Variants in ADAMTS12 observed in about 807,000 individuals in gnomAD.
ADAMTS12 encodes the protein A disintegrin and metalloproteinase with thrombospondin motifs 12.
ADAMTS12 carries 118 observed loss-of-function variants against 167.8 expected under a neutral mutation model. That is an observed-to-expected ratio of 0.70 (90% CI 0.61 to 0.82). The LOEUF (loss-of-function observed/expected upper bound fraction) is 0.82. Ranked by LOEUF, ADAMTS12 falls within the 40% of genes least tolerant of loss-of-function variation. The pLI is 0.00. For synonymous variants in ADAMTS12, 704 were observed against 716.9 expected (o/e 0.98, Z 0.29); for missense variants, 1,916 against 1,998.8 (o/e 0.96, Z 0.79).
chr5:33,651,803 C>G (rs1171206162), intron 7 of ADAMTS12, among the ~76,000 whole-genome samples: 1 of 152,146 alleles, frequency 6.6e-6, no homozygotes, highest in Non-Finnish European at 1.5e-5. Flanking sequence ...CCCACTCTCC[C>G]CAGCTTTTGG....
chr5:33,767,918 C>T (rs1367101721), intron 2 of ADAMTS12, among the ~76,000 whole-genome samples: 1 of 152,108 alleles, frequency 6.6e-6, no homozygotes, highest in Non-Finnish European at 1.5e-5. Flanking sequence ...TCTTTCAAAT[C>T]TGTAAAGTAG....
intron 5 of ADAMTS12, among the ~76,000 whole-genome samples, chr5:33,675,587 T>C (rs967929236): frequency 2.6e-5 from 4 of 152,188 alleles, no homozygotes; most frequent in African/African-American, 9.6e-5. Flanking sequence ...GTACAATTAA[T>C]TGAGTTGATG....
chr5:33,719,293 G>A (rs1378767314), intron 3 of ADAMTS12, among the ~76,000 whole-genome samples: 2 of 152,136 alleles, frequency 1.3e-5, no homozygotes, highest in Admixed American at 6.5e-5. Context: ...CATGAAGGGA[G>A]CGCTCTGGAG....
In ADAMTS12 at chr5:33,577,064, G is replaced by C; in HGVS notation, c.2962C>G (p.Arg988Gly). The C allele has an allele frequency of 6.2e-7, 1 of 1,614,166 alleles. No homozygotes were observed. The highest frequency in any genetic ancestry group is 8.5e-7 in the Non-Finnish European group (1 of 1,180,020). ...PCDVTRKPNS[R>G]ALCGLQQCPS... The stretch of plus-strand genomic sequence containing the variant: ...CATTGCTGGAGGCCACACAGAGCTC[G>C]GCTGTTGGGTTTCCTTGTCACATCG... Residue 988 changes from arginine to glycine, a missense_variant, in exon 19 of 24, where the codon CGA (arginine) becomes GGA (glycine). By Grantham distance (125) the Arg-to-Gly change is moderately radical (BLOSUM62 -2). Transcript: ENST00000504830.
intron 2 of ADAMTS12, among the ~76,000 whole-genome samples, chr5:33,811,729 G>T (rs1020730028): frequency 1.3e-5 from 2 of 152,196 alleles, no homozygotes. Context: ...GTTTTGAGTG[G>T]ACATCTGACT....
chr5:33,792,315 G>A (rs1057429733), intron 2 of ADAMTS12, among the ~76,000 whole-genome samples: 11 of 152,228 alleles, frequency 7.2e-5, no homozygotes, highest in Non-Finnish European at 1.2e-4. Context: ...TTTTAAGTCC[G>A]CTAGATTGGT....
At chr5:33,881,545 T>C in intron 1 of ADAMTS12, 65 bp from the exon 2 acceptor site, 1 of 1,538,190 alleles carries the variant, frequency 6.5e-7, no homozygotes, top group Non-Finnish European at 8.7e-7. Context: ...GCCACTTTCG[T>C]TTGGAACTTG....
chr5:33,577,643 C>T lies in ADAMTS12; in HGVS notation c.2866-483G>A, dbSNP rs78752647. Among the ~76,000 whole-genome samples, 1,085 of 152,258 alleles carry T rather than the reference C, an allele frequency of 7.1e-3. 18 individuals are homozygous for T. The highest frequency in any genetic ancestry group is 0.025 in the African/African-American group (1,038 of 41,552). ...AACTATCATAACTCACACATTTTCC[C>T]CAGGTACCTTAAGCTCCATTTTCAC... On this transcript the variant is annotated intron_variant, in intron 18 of 23. Transcript: ENST00000504830.
At chr5:33,831,568 C>T (rs2548024) in intron 2 of ADAMTS12, among the ~76,000 whole-genome samples, 125,425 of 152,044 alleles carry the variant, frequency 0.82, 51,788 homozygotes, top group South Asian at 0.94. Context: ...TAGGTTCCAA[C>T]TGAAGAGTCC....
chr5:33,779,184 A>ATTTT (rs58073487), intron 2 of ADAMTS12, among the ~76,000 whole-genome samples: 3 of 135,498 alleles, frequency 2.2e-5, no homozygotes, highest in Non-Finnish European at 3.1e-5. Context: ...TGAAATTAGT[A>ATTTT]TTTTTTTTTT....
intron 2 of ADAMTS12, among the ~76,000 whole-genome samples, chr5:33,783,009 A>C (rs1242244436): frequency 6.6e-6 from 1 of 152,038 alleles, no homozygotes; most frequent in African/African-American, 2.4e-5. Flanking sequence ...TCCAGGGTAG[A>C]CCATATGCTA....
chr5:33,831,629 A>T (rs1748303980), intron 2 of ADAMTS12, among the ~76,000 whole-genome samples: 1 of 152,190 alleles, frequency 6.6e-6, no homozygotes, highest in Non-Finnish European at 1.5e-5. Flanking sequence ...TTACTCCCCA[A>T]ATCACATGAT....
At chr5:33,880,106 C>A (rs748038009) in intron 2 of ADAMTS12, among the ~76,000 whole-genome samples, 1 of 152,178 alleles carries the variant, frequency 6.6e-6, no homozygotes, top group South Asian at 2.1e-4. Context: ...GCTGGTGGGG[C>A]CATCACTGTT....
At chr5:33,735,319 G>A (rs994584993) in intron 3 of ADAMTS12, among the ~76,000 whole-genome samples, 5 of 152,188 alleles carry the variant, frequency 3.3e-5, no homozygotes, top group African/African-American at 1.2e-4. Flanking sequence ...GGGTGATGCT[G>A]ATGCTGCTGG....
chr5:33,566,368 G>A (rs553911774), intron 19 of ADAMTS12, among the ~76,000 whole-genome samples: 55 of 152,202 alleles, frequency 3.6e-4, no homozygotes, highest in Non-Finnish European at 6.8e-4. Context: ...GGAGACTTAG[G>A]TGGGAAGACT....
chr5:33,825,480 G>T (rs1748031566), intron 2 of ADAMTS12, among the ~76,000 whole-genome samples: 1 of 152,170 alleles, frequency 6.6e-6, no homozygotes, highest in Admixed American at 6.5e-5. Context: ...CTGCATGAAT[G>T]TTGCAGAAAC....
At chr5:33,750,016 A>T (rs6874519) in intron 3 of ADAMTS12, among the ~76,000 whole-genome samples, 53 of 152,094 alleles carry the variant, frequency 3.5e-4, no homozygotes, top group African/African-American at 7.2e-4. Context: ...GTGATTTAAA[A>T]GGTATAAAAT....
intron 2 of ADAMTS12, among the ~76,000 whole-genome samples, chr5:33,803,744 C>G (rs918498968): frequency 2.0e-5 from 3 of 152,172 alleles, no homozygotes; most frequent in African/African-American, 7.2e-5. Context: ...GCATCTTACA[C>G]GGCAGCAGGC....
intron 13 of ADAMTS12, among the ~76,000 whole-genome samples, chr5:33,627,679 A>T (rs955232108): frequency 1.3e-5 from 2 of 152,142 alleles, no homozygotes; most frequent in Non-Finnish European, 2.9e-5. Context: ...ATTAGGTATA[A>T]TTTTAATTTA....
Sources: allele counts gnomAD v4.1 joint callset (sites outside exome capture counted in the v4.1 genomes callset), GRCh38; gene constraint gnomAD v4.1.1; transcripts MANE v1.5; gene names NCBI Gene and HGNC (gene_info 2026-07-23, HGNC 2026-07-21).